Variants in FILIP1 observed in about 807,000 individuals in gnomAD.
FILIP1 encodes the protein filamin-A-interacting protein 1.
Under a neutral mutation model 102.1 loss-of-function variants are expected in FILIP1, and 61 were observed. The ratio of observed to expected loss-of-function variants is 0.60; its 90% confidence interval spans 0.49 to 0.74. The LOEUF (loss-of-function observed/expected upper bound fraction) is 0.74. Ranked by LOEUF, FILIP1 falls within the 30% of genes least tolerant of loss-of-function variation. The pLI is 0.00. For missense variants in FILIP1, 1,314 were observed against 1,441.2 expected, an observed-to-expected ratio of 0.91 and a Z score of 1.43; for synonymous variants, 491 against 526.9, an observed-to-expected ratio of 0.93 and a Z score of 0.93.
At chr6:75,400,115 G>A (rs1379520923) in intron 2 of FILIP1, among the ~76,000 whole-genome samples, 1 of 152,094 alleles carries the variant, frequency 6.6e-6, no homozygotes, top group Non-Finnish European at 1.5e-5. Flanking sequence ...TAGGCACTGT[G>A]ACAGGTAGAA....
At chr6:75,337,468 T>C (rs1471740957) in intron 4 of FILIP1, among the ~76,000 whole-genome samples, 1 of 152,130 alleles carries the variant, frequency 6.6e-6, no homozygotes, top group Non-Finnish European at 1.5e-5. Context: ...GTTTAGCATA[T>C]GGCAAGTTGG....
intron 2 of FILIP1, among the ~76,000 whole-genome samples, chr6:75,376,196 T>C (rs184290069): frequency 1.0e-3 from 153 of 152,306 alleles, no homozygotes; most frequent in Non-Finnish European, 1.8e-3. Context: ...GTTTCTGATA[T>C]AGACTCAGAG....
chr6:75,347,705 T>G (rs983659515), intron 4 of FILIP1, among the ~76,000 whole-genome samples: 6 of 152,190 alleles, frequency 3.9e-5, no homozygotes, highest in Non-Finnish European at 8.8e-5. Flanking sequence ...AAACGTTGAT[T>G]CTGACTAGTC....
At chr6:75,414,675 A>G (rs778121433) in intron 2 of FILIP1, 22 bp downstream of exon 2, 1 of 1,603,758 alleles carries the variant, frequency 6.2e-7, no homozygotes, top group Admixed American at 1.7e-5. Context: ...ACACAATAAC[A>G]GTTGGGAAAG....
At chr6:75,337,510 G>A (rs1774282631) in intron 4 of FILIP1, among the ~76,000 whole-genome samples, 1 of 152,092 alleles carries the variant, frequency 6.6e-6, no homozygotes, top group African/African-American at 2.4e-5. Context: ...CAATCACTGG[G>A]CTTGCCAATG....
chr6:75,432,943 T>G (rs545608162), intron 1 of FILIP1, among the ~76,000 whole-genome samples: 1 of 152,296 alleles, frequency 6.6e-6, no homozygotes, highest in African/African-American at 2.4e-5. Context: ...TTTTCTGTCC[T>G]TGTGATAGTT....
intron 4 of FILIP1, among the ~76,000 whole-genome samples, chr6:75,333,403 TA>T (rs1338480378): frequency 6.6e-6 from 1 of 152,150 alleles, no homozygotes; most frequent in Non-Finnish European, 1.5e-5. Flanking sequence ...TGACTATTGT[TA>T]ATCTAGAAAA....
At chr6:75,325,108 C>G (rs1773794311) in intron 4 of FILIP1, among the ~76,000 whole-genome samples, 4 of 152,164 alleles carry the variant, frequency 2.6e-5, no homozygotes, top group Admixed American at 2.6e-4. Context: ...AACTAAAAAG[C>G]TTCTGTACAG....
intron 1 of FILIP1, among the ~76,000 whole-genome samples, chr6:75,444,021 A>C (rs1051634399): frequency 6.6e-6 from 1 of 152,214 alleles, no homozygotes; most frequent in Non-Finnish European, 1.5e-5. Flanking sequence ...ATGCATGTAG[A>C]AAGTACTTAA....
intron 4 of FILIP1, among the ~76,000 whole-genome samples, chr6:75,318,390 A>G (rs1215917581): frequency 6.6e-6 from 1 of 151,838 alleles, no homozygotes; most frequent in Non-Finnish European, 1.5e-5. Flanking sequence ...CACATAGCAC[A>G]TGCCTGGCTA....
At chr6:75,365,747 T>C (rs1562506285) in intron 2 of FILIP1, among the ~76,000 whole-genome samples, 1 of 152,146 alleles carries the variant, frequency 6.6e-6, no homozygotes, top group Non-Finnish European at 1.5e-5. Context: ...CTAAATTTTC[T>C]ACAGTAAATA....
At position 75,330,707 on chromosome 6, in the gene FILIP1, T is replaced by C. The variant is rs12191454; in HGVS notation, c.630-15505A>G. ...AATTTAATTACATTTCCTTTGCTAGTATAATTCAAGTAATTCAAATGGCAA... is the reference window on the plus strand; with the variant it reads ...AATTTAATTACATTTCCTTTGCTAGCATAATTCAAGTAATTCAAATGGCAA... On this transcript the variant is annotated intron_variant, in intron 4 of 5. Coordinates refer to ENST00000237172, the MANE Select transcript of FILIP1 (RefSeq NM_015687.5). Among the ~76,000 whole-genome samples, 1,436 of 152,314 alleles carry C rather than the reference T, an allele frequency of 9.4e-3. 13 individuals are homozygous for C. The highest frequency in any genetic ancestry group is 0.016 in the Non-Finnish European group (1,062 of 68,028).
rs58566488 is a variant in FILIP1, at chr6:75,479,868, C to CAAAAAA, written c.-7+13540_-7+13545dup. Among the ~76,000 whole-genome samples, 20 of 42,868 alleles carry CAAAAAA rather than the reference C, an allele frequency of 4.7e-4. 4 individuals carry two copies. Among genetic ancestry groups the CAAAAAA allele is most frequent in the African/African-American group, 1.3e-3 (13 of 10,212 alleles). 28.1% of individuals were successfully genotyped at this position (42,868 alleles called of 152,430 possible). ...TGGGCCACAGAGTAAAGCTGTATCT[C>CAAAAAA]AAAAAAAAAAAAAAAAAAAAAAAAA... is the stretch of plus-strand genomic sequence containing the variant. On this transcript the variant is annotated intron_variant, in intron 1 of 5. Coordinates refer to ENST00000237172, the MANE Select transcript of FILIP1 (RefSeq NM_015687.5).
At chr6:75,393,235 G>C (rs1364539294) in intron 2 of FILIP1, among the ~76,000 whole-genome samples, 1 of 152,068 alleles carries the variant, frequency 6.6e-6, no homozygotes, top group Non-Finnish European at 1.5e-5. Context: ...TAAGTACATA[G>C]AGATGGAATT....
chr6:75,362,900 G>A lies in FILIP1; in HGVS notation c.294C>T (p.Ile98=). The change falls in exon 3 of 6, where the codon ATC becomes ATT. Residue 98 remains isoleucine, a synonymous_variant. Coordinates refer to ENST00000237172, the MANE Select transcript of FILIP1 (RefSeq NM_015687.5). ...EGELQAREDV[I]HMLKTEKTKP... ...TGGTTTTCTCTGTCTTCAGCATGTG[G>A]ATCACATCTTCTCTGGCCTGTAATA... 1 of 1,613,846 alleles carries A rather than the reference G, an allele frequency of 6.2e-7. No homozygotes were observed. The highest frequency in any genetic ancestry group is 8.5e-7 in the Non-Finnish European group (1 of 1,179,980).
exon 7 of FILIP1, chr6:75,295,082 ATCTT>A (rs543369131): frequency 2.1e-4 from 32 of 152,080 alleles, no homozygotes; most frequent in African/African-American, 7.7e-4. Context: ...TGTGAGAACT[ATCTT>A]TATTTCACAG....
chr6:75,479,443 G>A (rs1331558838), intron 1 of FILIP1, among the ~76,000 whole-genome samples: 1 of 152,060 alleles, frequency 6.6e-6, no homozygotes. Context: ...CAATGTATTT[G>A]TTGAAATAAT....
chr6:75,449,556 G>A (rs1778553496), intron 1 of FILIP1, among the ~76,000 whole-genome samples: 1 of 152,102 alleles, frequency 6.6e-6, no homozygotes, highest in Non-Finnish European at 1.5e-5. Context: ...TGAGGCAGGA[G>A]GATCCCTTGA....
At chr6:75,357,085 G>A (rs988562443) in intron 3 of FILIP1, 1 of 152,198 alleles carries the variant, frequency 6.6e-6, no homozygotes, top group African/African-American at 2.4e-5. Context: ...AGGAAGGAGA[G>A]GTGACTTATT....
Sources: allele counts gnomAD v4.1 joint callset (sites outside exome capture counted in the v4.1 genomes callset), GRCh38; gene constraint gnomAD v4.1.1; transcripts MANE v1.5; gene names NCBI Gene and HGNC (gene_info 2026-07-23, HGNC 2026-07-21).